CCDC33: variants seen among roughly 807,000 people sequenced by gnomAD.
CCDC33 encodes the protein coiled-coil domain-containing protein 33.
In CCDC33, 94 loss-of-function variants were observed where a neutral mutation model predicts 91.9. That is an observed-to-expected ratio of 1.02 (90% CI 0.87 to 1.21). CCDC33 has a LOEUF of 1.21. Among genes scored for constraint, CCDC33 ranks in the 50% most tolerant of loss-of-function variants. CCDC33 has a pLI of 0.00. For synonymous variants in CCDC33, 396 were observed against 374.5 expected, an observed-to-expected ratio of 1.06 and a Z score of -0.66; for missense variants, 940 against 935.5, an observed-to-expected ratio of 1.00 and a Z score of -0.06.
intron 2 of CCDC33, among the ~76,000 whole-genome samples, chr15:74,251,091 G>A (rs771859108): frequency 2.6e-5 from 4 of 152,252 alleles, no homozygotes; most frequent in Non-Finnish European, 5.9e-5. Flanking sequence ...CTGAGCCTCA[G>A]TCTTCCCATG....
chr15:74,295,024 G>C (rs1006349984), intron 10 of CCDC33, among the ~76,000 whole-genome samples: 1 of 152,228 alleles, frequency 6.6e-6, no homozygotes, highest in African/African-American at 2.4e-5. Flanking sequence ...AGGAGAGACT[G>C]TCTGCTTAAT....
At chr15:74,317,205 C>T (rs2060103203) in intron 11 of CCDC33, among the ~76,000 whole-genome samples, 1 of 152,018 alleles carries the variant, frequency 6.6e-6, no homozygotes. Flanking sequence ...TAAAAAAATA[C>T]AAGAAATTAG....
At chr15:74,314,983 C>G (rs2060063130) in intron 11 of CCDC33, among the ~76,000 whole-genome samples, 1 of 152,344 alleles carries the variant, frequency 6.6e-6, no homozygotes, top group Non-Finnish European at 1.5e-5. Context: ...GCCCAGGAGC[C>G]TCCCATCCCC....
At chr15:74,239,118 C>T (rs2075268619) in intron 1 of CCDC33, among the ~76,000 whole-genome samples, 1 of 152,216 alleles carries the variant, frequency 6.6e-6, no homozygotes, top group South Asian at 2.1e-4. Context: ...ATCCGGGCAG[C>T]CAGGCACCCT....
intron 1 of CCDC33, among the ~76,000 whole-genome samples, chr15:74,206,586 G>T (rs1389961800): frequency 6.6e-6 from 1 of 152,232 alleles, no homozygotes; most frequent in African/African-American, 2.4e-5. Context: ...GCCCAGCCCT[G>T]CCCTCAGGAG....
At chr15:74,250,991 G>A (rs1163322885) in intron 2 of CCDC33, among the ~76,000 whole-genome samples, 1 of 152,212 alleles carries the variant, frequency 6.6e-6, no homozygotes, top group Non-Finnish European at 1.5e-5. Context: ...ACAGGACAGT[G>A]GAAAGAAGCC....
chr15:74,332,845 G>A lies in CCDC33; in HGVS notation c.1938G>A (p.Pro646=), dbSNP rs761254676. The part of the protein sequence containing the change: ...APIILQQQAL[P]DLLSGTSDKF... ...TCATTCTGCAGCAACAGGCCCTGCC[G>A]GTAAGAGGCCCTTGACCTGGGCCTG... The change falls in exon 16 of 19, where the codon CCG becomes CCA. Residue 646 remains proline (P), a splice_region_variant and synonymous_variant. Coordinates refer to ENST00000398814, the MANE Select transcript of CCDC33 (RefSeq NM_025055.5). 1.9e-5 allele frequency: 30 copies of A among 1,613,374 alleles called. No homozygotes were observed. Among genetic ancestry groups the A allele is most frequent in the Middle Eastern group, 1.7e-4 (1 of 6,014 alleles).
chr15:74,335,894 G>C lies in CCDC33; in HGVS notation c.2140-31G>C, dbSNP rs184219394. The C allele has an allele frequency of 1.9e-6, 3 of 1,556,802 alleles. No homozygotes were observed. In the Admixed American group the frequency reaches 5.0e-5, roughly 26 times the overall value. On this transcript the variant is annotated intron_variant, in intron 18 of 18. Transcript: ENST00000398814. ...GCAGGTCACCCCCTGGGAATGGGGG[G>C]TACTCACGCACCCCGCTTTGCACAC...
chr15:74,276,711 C>T (rs1566991290), intron 7 of CCDC33, among the ~76,000 whole-genome samples: 3 of 152,222 alleles, frequency 2.0e-5, no homozygotes, highest in South Asian at 4.1e-4. Context: ...CCAGCTCATA[C>T]AGGCATTCTG....
chr15:74,268,556 C>T, intron 5 of CCDC33, 98 bp downstream of exon 5: 2 of 894,180 alleles, frequency 2.2e-6, no homozygotes, highest in Non-Finnish European at 3.7e-6. Flanking sequence ...TCTGGCTGAC[C>T]TGAGGGTGTG....
intron 11 of CCDC33, among the ~76,000 whole-genome samples, chr15:74,314,063 C>T (rs1307143956): frequency 6.6e-6 from 1 of 152,210 alleles, no homozygotes; most frequent in East Asian, 1.9e-4. Context: ...TGTGTCTCCT[C>T]CTTATGCCTG....
intron 10 of CCDC33, among the ~76,000 whole-genome samples, chr15:74,292,454 A>G (rs1313409337): frequency 6.6e-6 from 1 of 152,198 alleles, no homozygotes; most frequent in Non-Finnish European, 1.5e-5. Context: ...CTGACCCTAA[A>G]GAAGGAGAAC....
chr15:74,241,203 G>A (rs1276597546), intron 1 of CCDC33, among the ~76,000 whole-genome samples: 1 of 152,160 alleles, frequency 6.6e-6, no homozygotes, highest in Non-Finnish European at 1.5e-5. Flanking sequence ...GGAAGAGGGT[G>A]GGGGTGGCCT....
intron 11 of CCDC33, among the ~76,000 whole-genome samples, chr15:74,296,304 T>C (rs779588427): frequency 6.6e-6 from 1 of 152,070 alleles, no homozygotes; most frequent in Admixed American, 6.5e-5. Context: ...CATTTTAGCT[T>C]ATAACAGGAG....
chr15:74,270,931 G>A, intron 5 of CCDC33, among the ~76,000 whole-genome samples: 1 of 152,176 alleles, frequency 6.6e-6, no homozygotes, highest in East Asian at 1.9e-4. Flanking sequence ...TGGGAGGCAG[G>A]GAAGCCTTTA....
chr15:74,312,058 T>G (rs1479904690), intron 11 of CCDC33: 1 of 152,200 alleles, frequency 6.6e-6, no homozygotes, highest in Admixed American at 6.5e-5. Flanking sequence ...GCTCACGTAA[T>G]CTTCACCACA....
rs35450110 is a variant in CCDC33, at chr15:74,298,709, C to CTTTT, written c.1290+2780_1290+2783dup. On this transcript the variant is annotated intron_variant, in intron 11 of 18. Coordinates refer to ENST00000398814, the MANE Select transcript of CCDC33 (RefSeq NM_025055.5). ...CATTCGACACCCTGGCTAATTCTGC[C>CTTTT]TTTTTTTTTTTTTTTTTTTTTTGAG... Among the ~76,000 whole-genome samples the CTTTT allele has an allele frequency of 4.4e-4, 33 of 75,602 alleles. 2 individuals are homozygous for CTTTT. The highest frequency in any genetic ancestry group is 5.7e-4 in the South Asian group (1 of 1,744). The allele number at this position is 75,602 out of a possible 152,430, so 49.6% of individuals were successfully genotyped here.
chr15:74,330,969 C>T lies in CCDC33; in HGVS notation c.1546-12C>T. 1 of 1,575,540 alleles carries T rather than the reference C, an allele frequency of 6.3e-7. No individual in the cohort carries two copies. Among genetic ancestry groups the T allele is most frequent in the Non-Finnish European group, 8.6e-7 (1 of 1,160,464 alleles). ...CCCATTCTCTCCCCTTCTCTCCTCCCCCATCTCACAGAAGAATGATCGAGA... is the reference window on the plus strand; with the variant it reads ...CCCATTCTCTCCCCTTCTCTCCTCCTCCATCTCACAGAAGAATGATCGAGA... On this transcript the variant is annotated splice_polypyrimidine_tract_variant and intron_variant, in intron 13 of 18. Transcript: ENST00000398814.
intron 11 of CCDC33, chr15:74,318,562 C>G: frequency 1.4e-6 from 1 of 703,762 alleles, no homozygotes; most frequent in South Asian, 1.6e-5. Context: ...GGGACCCATC[C>G]TGGGGAACAG....
Sources: allele counts gnomAD v4.1 joint callset (sites outside exome capture counted in the v4.1 genomes callset), GRCh38; gene constraint gnomAD v4.1.1; transcripts MANE v1.5; gene names NCBI Gene and HGNC (gene_info 2026-07-23, HGNC 2026-07-21).